The following SCN4B variants were observed in gnomAD, a reference collection of about 807,000 sequenced individuals.
SCN4B encodes the protein sodium voltage-gated channel beta subunit 4, also known as sodium channel regulatory subunit beta-4.
SCN4B carries 20 observed loss-of-function variants against 19.6 expected under a neutral mutation model. The observed-to-expected ratio is 1.02, with a 90% CI of 0.72 to 1.48. SCN4B has a LOEUF of 1.48. Among genes scored for constraint, SCN4B ranks in the 40% most tolerant of loss-of-function variants. The probability of loss-of-function intolerance (pLI) is 0.00; values close to 1 mark genes in which losing one functional copy is unlikely to be tolerated. For synonymous variants in SCN4B, 127 were observed against 122.8 expected, an observed-to-expected ratio of 1.03 and a Z score of -0.22; for missense variants, 271 against 287.5, an observed-to-expected ratio of 0.94 and a Z score of 0.42.
intron 2 of SCN4B, among the ~76,000 whole-genome samples, chr11:118,144,648 C>T (rs1047322944): frequency 2.6e-5 from 4 of 152,130 alleles, no homozygotes; most frequent in African/African-American, 4.8e-5. Flanking sequence ...GCAGCTCTCC[C>T]TCTCTTCCTC....
rs768153373 is a variant in SCN4B, at chr11:118,134,671, G to A, written c.*2356C>T. The A allele has an allele frequency of 4.4e-6, 2 of 454,066 alleles. No homozygotes were observed. The highest frequency in any genetic ancestry group is 3.1e-5 in the South Asian group (2 of 64,472). The allele number at this position is 454,066 out of a possible 1,614,324, so 28.1% of individuals were successfully genotyped here. On this transcript the variant is annotated 3_prime_UTR_variant, in exon 5 of 5. Transcript: ENST00000324727. The stretch of plus-strand genomic sequence containing the variant: ...GCAAAGACTAAATAATTCCAAGGGG[G>A]GTGGGATGGAAAGAAAGAGAGAGAG...
rs1402341270 is a variant in SCN4B at position 118,134,084 on chromosome 11, A to G, written c.*2943T>C. ...CATGCTCTCAAGCCCTCGCTCCACA[A>G]GAGCTCTGATCGGCCTGCCATATGT... is the stretch of plus-strand genomic sequence containing the variant. On this transcript the variant is annotated 3_prime_UTR_variant, in exon 5 of 5. Transcript: ENST00000324727. 2.2e-6 allele frequency: 1 copy of G among 454,270 alleles called. No individual in the cohort carries two copies. The highest frequency in any genetic ancestry group is 4.4e-6 in the Non-Finnish European group (1 of 226,796). The allele number at this position is 454,270 out of a possible 1,614,324, so 28.1% of individuals were successfully genotyped here.
At chr11:118,145,013 G>A (rs1948151750) in intron 2 of SCN4B, 44 bp downstream of exon 2, 1 of 1,594,738 alleles carries the variant, frequency 6.3e-7, no homozygotes, top group Non-Finnish European at 8.6e-7. Flanking sequence ...GCGAGGCATG[G>A]GTGAGGGAGG....
Position 118,134,274 on chromosome 11 carries a change from G to A in SCN4B, c.*2753C>T, listed in dbSNP as rs1947960685. ...TCAGAACTTTGTCTTTAGTCTCGCT[G>A]ACATCACTCAGCCCAGCTGCATGTG... On this transcript the variant is annotated 3_prime_UTR_variant, in exon 5 of 5. Coordinates refer to ENST00000324727, the MANE Select transcript of SCN4B (RefSeq NM_174934.4). 2.2e-6 allele frequency: 1 copy of A among 454,004 alleles called. No homozygotes were observed. The highest frequency in any genetic ancestry group is 4.4e-6 in the Non-Finnish European group (1 of 226,802). The allele number at this position is 454,004 out of a possible 1,614,324, so 28.1% of individuals were successfully genotyped here. A position where few individuals can be genotyped will look rare whatever the true frequency, so the allele number is the denominator to read the frequency against.
At chr11:118,151,169 CTT>C (rs1469438109) in intron 1 of SCN4B, among the ~76,000 whole-genome samples, 1 of 151,780 alleles carries the variant, frequency 6.6e-6, no homozygotes, top group Admixed American at 6.6e-5. Flanking sequence ...TCAGGGCCCT[CTT>C]GGTTGCCCAC....
rs1160488778 is a variant in SCN4B, at chr11:118,145,546, C to T, written c.62-317G>A. On this transcript the variant is annotated intron_variant, in intron 1 of 4. Transcript: ENST00000324727. ...GCCGCGAACCGCGCCCCGGCTCCGC[C>T]CCTCACCTGGGGACGCAGTGCCTGG... is the stretch of plus-strand genomic sequence containing the variant. 3.4e-6 allele frequency: 4 copies of T among 1,175,632 alleles called. No homozygotes were observed. The African/African-American group carries it at 4.7e-5, about 14-fold the overall frequency. 72.8% of individuals were successfully genotyped at this position (1,175,632 alleles called of 1,614,324 possible).
chr11:118,143,572 A>G lies in SCN4B; in HGVS notation c.463+261T>C, dbSNP rs530705151. On this transcript the variant is annotated intron_variant, in intron 3 of 4. Coordinates refer to ENST00000324727, the MANE Select transcript of SCN4B (RefSeq NM_174934.4). ...CTACCAGGTAGCTTCTCTAACCACA[A>G]CTCTAGGAAAATGAAGCCATATTCC... Among the ~76,000 whole-genome samples, 15 of 152,250 alleles carry G rather than the reference A, an allele frequency of 9.9e-5. No homozygotes were observed. In the East Asian group the frequency reaches 2.3e-3, roughly 23 times the overall value.
At position 118,133,993 on chromosome 11, in the gene SCN4B, T is replaced by G. The variant is rs1947954996; in HGVS notation, c.*3034A>C. 4.4e-6 allele frequency: 2 copies of G among 454,564 alleles called. No individual in the cohort carries two copies. The highest frequency in any genetic ancestry group is 8.8e-6 in the Non-Finnish European group (2 of 226,778). The allele number at this position is 454,564 out of a possible 1,614,324, so 28.2% of individuals were successfully genotyped here. On this transcript the variant is annotated 3_prime_UTR_variant, in exon 5 of 5. Coordinates refer to ENST00000324727, the MANE Select transcript of SCN4B (RefSeq NM_174934.4). ...CATCCACTCCACAGTTACGCTGCCA[T>G]GCACCCACACTGCCTGCACACGCAC... is the stretch of plus-strand genomic sequence containing the variant.
rs987333917 is a variant in SCN4B, at chr11:118,148,420, G to C, written c.62-3191C>G. 6.6e-6 allele frequency among the ~76,000 whole-genome samples: 1 copy of C among 152,240 alleles called. No individual in the cohort carries two copies. Among genetic ancestry groups the C allele is most frequent in the African/African-American group, 2.4e-5 (1 of 41,466 alleles). ...GGTCCACAAAGGCCGCCGGAGGGCT[G>C]CTTCAGGATGACCAAGTCCAGAGAG... On this transcript the variant is annotated intron_variant, in intron 1 of 4. Coordinates refer to ENST00000324727, the MANE Select transcript of SCN4B (RefSeq NM_174934.4). This position sits in a 1 kb window ranked among gnomAD's most constrained non-coding sequence, Gnocchi z 4.0.
chr11:118,138,047 C>A (rs566427830), intron 4 of SCN4B, among the ~76,000 whole-genome samples: 1 of 152,126 alleles, frequency 6.6e-6, no homozygotes, highest in South Asian at 2.1e-4. Context: ...GGAGGCGTTC[C>A]ACCCTGACCG....
intron 4 of SCN4B, among the ~76,000 whole-genome samples, chr11:118,139,395 C>A (rs1418965221): frequency 1.3e-5 from 2 of 152,222 alleles, no homozygotes; most frequent in Non-Finnish European, 2.9e-5. Flanking sequence ...GCCCTGAACC[C>A]CCACAGCAGC....
intron 1 of SCN4B, among the ~76,000 whole-genome samples, chr11:118,150,848 A>G (rs1948227049): frequency 6.6e-6 from 1 of 152,208 alleles, no homozygotes. Flanking sequence ...TACCTGGTCA[A>G]GGGCCAAAGG....
intron 1 of SCN4B, among the ~76,000 whole-genome samples, chr11:118,151,988 T>A (rs1209647968): frequency 6.6e-6 from 1 of 152,136 alleles, no homozygotes; most frequent in East Asian, 1.9e-4. Context: ...AATCTCTTTG[T>A]AGGAAGAGAG....
In SCN4B at chr11:118,136,824, T is replaced by C; in HGVS notation, c.*203A>G. 1.5e-6 allele frequency: 1 copy of C among 679,194 alleles called. No homozygotes were observed. The highest frequency in any genetic ancestry group is 2.7e-6 in the Non-Finnish European group (1 of 370,464). 42.1% of individuals were successfully genotyped at this position (679,194 alleles called of 1,614,324 possible). A position where few individuals can be genotyped will look rare whatever the true frequency, so the allele number is the denominator to read the frequency against. ...TGAATCTTCCACAGACCCCCTCCCC[T>C]GGCCATCCCTTGTCCCTGGGGAGCC... On this transcript the variant is annotated 3_prime_UTR_variant, in exon 5 of 5. Transcript: ENST00000324727.
chr11:118,149,285 A>G (rs1370876875), intron 1 of SCN4B, among the ~76,000 whole-genome samples: 2 of 152,208 alleles, frequency 1.3e-5, no homozygotes, highest in Non-Finnish European at 2.9e-5. Context: ...CGGGGAGGAA[A>G]GAGGGGCAGG....
At chr11:118,137,179 T>C in intron 4 of SCN4B, 59 bp from the exon 5 acceptor site, 1 of 1,316,524 alleles carries the variant, frequency 7.6e-7, no homozygotes, top group Non-Finnish European at 1.1e-6. Context: ...GGGGGAGAAT[T>C]GTGGCAGGAG....
At position 118,152,642 on chromosome 11, in the gene SCN4B, G is replaced by C. The variant is rs1456501225; in HGVS notation, c.32C>G (p.Pro11Arg). 3 of 1,612,036 alleles carry C rather than the reference G, an allele frequency of 1.9e-6. No homozygotes were observed. Among genetic ancestry groups the C allele is most frequent in the South Asian group, 2.2e-5 (2 of 90,934 alleles). ...AAGCCCAGTGCCCAGCCATCTCGCC[G>C]GGGCTTTGCCTCCGTCCCCAGCCCC... MPGAGDGGKA[P>R]ARWLGTGLLG... Residue 11 changes from proline to arginine, a missense_variant, in exon 1 of 5, where the codon CCG (proline) becomes CGG (arginine). Pro to Arg is a moderately radical substitution (Grantham distance 103, BLOSUM62 -2). Transcript: ENST00000324727.
At chr11:118,143,673 G>A (rs1470849995) in intron 3 of SCN4B, among the ~76,000 whole-genome samples, 160 bp downstream of exon 3, 1 of 152,166 alleles carries the variant, frequency 6.6e-6, no homozygotes, top group Non-Finnish European at 1.5e-5. Flanking sequence ...TGTTCAAGCT[G>A]AGCTCTTCTA....
At chr11:118,146,607 C>T (rs542344574) in intron 1 of SCN4B, among the ~76,000 whole-genome samples, 1 of 152,366 alleles carries the variant, frequency 6.6e-6, no homozygotes, top group African/African-American at 2.4e-5. Flanking sequence ...CCTGCTTGCT[C>T]AGCTTCTTCC....
Sources: allele counts gnomAD v4.1 joint callset (sites outside exome capture counted in the v4.1 genomes callset), GRCh38; gene constraint gnomAD v4.1.1; non-coding constraint Gnocchi (gnomAD v3.1); transcripts MANE v1.5; gene names NCBI Gene and HGNC (gene_info 2026-07-23, HGNC 2026-07-21).